Variants in NAV3 observed in about 807,000 individuals in gnomAD.
NAV3 encodes the protein neuron navigator 3, also known as pore membrane and/or filament interacting like protein 1.
NAV3 carries 87 observed loss-of-function variants against 244.7 expected under a neutral mutation model. The ratio of observed to expected loss-of-function variants is 0.36; its 90% confidence interval spans 0.30 to 0.42. The LOEUF is 0.42. NAV3 is among the 20% of genes least tolerant of loss of function. NAV3 has a pLI of 1.00. For missense variants in NAV3, 2,663 were observed against 2,893.3 expected (o/e 0.92, Z 1.83); for synonymous variants, 1,126 against 1,042.2 (o/e 1.08, Z -1.55).
At chr12:77,837,902 A>G (rs1473946835) in intron 1 of NAV3, among the ~76,000 whole-genome samples, 3 of 152,234 alleles carry the variant, frequency 2.0e-5, no homozygotes, top group Non-Finnish European at 4.4e-5. Flanking sequence ...TGTTAGAAAT[A>G]TAGCAGCAGA....
At chr12:77,656,073 C>T (rs1445920236) in intron 2 of NAV3, among the ~76,000 whole-genome samples, 1 of 151,270 alleles carries the variant, frequency 6.6e-6, no homozygotes, top group Non-Finnish European at 1.5e-5. Context: ...AACCAGCTTA[C>T]ATCATAATGA....
chr12:77,652,253 C>T (rs957573233), intron 2 of NAV3, among the ~76,000 whole-genome samples: 1 of 152,106 alleles, frequency 6.6e-6, no homozygotes, highest in Non-Finnish European at 1.5e-5. Flanking sequence ...AAATACCCCG[C>T]CCAAGGTCAC....
At chr12:77,673,838 C>T (rs1158255577) in intron 2 of NAV3, among the ~76,000 whole-genome samples, 1 of 152,112 alleles carries the variant, frequency 6.6e-6, no homozygotes, top group African/African-American at 2.4e-5. Flanking sequence ...TTGTGATCAA[C>T]ACACAATGAA....
At chr12:77,698,215 C>T (rs1391068075) in intron 2 of NAV3, among the ~76,000 whole-genome samples, 3 of 152,104 alleles carry the variant, frequency 2.0e-5, no homozygotes. Context: ...TCATCCTGTT[C>T]CATTCTTCTA....
chr12:78,196,657 G>A (rs187980340), intron 34 of NAV3, among the ~76,000 whole-genome samples: 90 of 151,904 alleles, frequency 5.9e-4, no homozygotes, highest in Non-Finnish European at 6.9e-4. Context: ...GCTAAATTTT[G>A]TCTTTGTTTA....
chr12:77,675,084 C>T (rs951104495), intron 2 of NAV3, among the ~76,000 whole-genome samples: 7 of 152,126 alleles, frequency 4.6e-5, no homozygotes, highest in African/African-American at 7.2e-5. Context: ...CCATGAATGA[C>T]GTCCTTGAGG....
At chr12:78,042,284 T>C (rs1435574407) in intron 9 of NAV3, among the ~76,000 whole-genome samples, 1 of 152,214 alleles carries the variant, frequency 6.6e-6, no homozygotes, top group Non-Finnish European at 1.5e-5. Flanking sequence ...GTGGTGATTG[T>C]ATCAGGCCAG....
chr12:77,668,578 C>G (rs1298682336), intron 2 of NAV3, among the ~76,000 whole-genome samples: 1 of 151,868 alleles, frequency 6.6e-6, no homozygotes, highest in Non-Finnish European at 1.5e-5. Flanking sequence ...CCCAATCCAT[C>G]AAAGACAAAG....
chr12:78,094,834 G>C lies in NAV3; in HGVS notation c.2637-21938G>C, dbSNP rs139188922. Among the ~76,000 whole-genome samples the C allele has an allele frequency of 3.3e-3, 505 of 151,908 alleles. 1 individual carries two copies. Among genetic ancestry groups the C allele is most frequent in the Middle Eastern group, 0.01 (3 of 294 alleles). On this transcript the variant is annotated intron_variant, in intron 12 of 39. Transcript: ENST00000397909. ...GTGGCCTAGGCAGGTGGATCACGAG[G>C]TCAGGAGATTGAGACCATCCTGGCC...
intron 3 of NAV3, 53 bp from the exon 4 acceptor site, chr12:77,966,175 AT>A: frequency 7.0e-7 from 1 of 1,438,692 alleles, no homozygotes; most frequent in Non-Finnish European, 9.8e-7. Context: ...TGGCACATGT[AT>A]TTGTTAAAAT....
chr12:77,589,227 T>A (rs959782156), intron 2 of NAV3, among the ~76,000 whole-genome samples: 4 of 152,178 alleles, frequency 2.6e-5, no homozygotes, highest in Non-Finnish European at 5.9e-5. Flanking sequence ...GCTCTGTGGA[T>A]TTTGTTCAGT....
chr12:77,935,080 C>T (rs1889194636), intron 1 of NAV3, among the ~76,000 whole-genome samples: 2 of 152,050 alleles, frequency 1.3e-5, no homozygotes, highest in Admixed American at 6.6e-5. Flanking sequence ...TATGGAATAA[C>T]AAAAATAGTT....
intron 9 of NAV3, among the ~76,000 whole-genome samples, chr12:78,043,073 C>T (rs944373812): frequency 2.0e-5 from 3 of 151,940 alleles, no homozygotes. Flanking sequence ...CTAATGCTAT[C>T]CCTCCCCTTG....
intron 2 of NAV3, among the ~76,000 whole-genome samples, chr12:77,777,089 C>G (rs566322492): frequency 6.6e-6 from 1 of 152,122 alleles, no homozygotes; most frequent in Non-Finnish European, 1.5e-5. Flanking sequence ...CTCGCTTTAT[C>G]TGTGGGGACT....
At chr12:77,663,211 A>C (rs767144869) in intron 2 of NAV3, among the ~76,000 whole-genome samples, 1 of 152,214 alleles carries the variant, frequency 6.6e-6, no homozygotes, top group East Asian at 1.9e-4. Context: ...AAGATTTTTA[A>C]CTACATAAAA....
At chr12:77,701,913 T>C (rs560157463) in intron 2 of NAV3, among the ~76,000 whole-genome samples, 1 of 152,112 alleles carries the variant, frequency 6.6e-6, no homozygotes, top group South Asian at 2.1e-4. Context: ...CCTTAATGAA[T>C]GCACCATGTG....
At chr12:78,189,957 A>T in intron 33 of NAV3, 27 bp from the exon 34 acceptor site, 1 of 1,522,700 alleles carries the variant, frequency 6.6e-7, no homozygotes, top group African/African-American at 1.4e-5. Flanking sequence ...ACAATAAATC[A>T]TGCTATTTTT....
chr12:77,847,585 C>T (rs1241591366), intron 1 of NAV3, among the ~76,000 whole-genome samples: 1 of 152,190 alleles, frequency 6.6e-6, no homozygotes, highest in Non-Finnish European at 1.5e-5. Context: ...CAGGTGCTGA[C>T]TTTATCTACA....
intron 2 of NAV3, among the ~76,000 whole-genome samples, chr12:77,653,372 T>C (rs1174735059): frequency 6.6e-6 from 1 of 152,220 alleles, no homozygotes; most frequent in Non-Finnish European, 1.5e-5. Context: ...AAAGATAGAC[T>C]AATATCTTGA....
Sources: allele counts gnomAD v4.1 joint callset (sites outside exome capture counted in the v4.1 genomes callset), GRCh38; gene constraint gnomAD v4.1.1; transcripts MANE v1.5; gene names NCBI Gene and HGNC (gene_info 2026-07-23, HGNC 2026-07-21).